Variants in KIAA1958 observed in about 807,000 individuals in gnomAD.
The protein encoded by KIAA1958 is uncharacterized protein KIAA1958.
In KIAA1958, 14 loss-of-function variants were observed where a neutral mutation model predicts 47.2. That is an observed-to-expected ratio of 0.30 (90% CI 0.20 to 0.46). KIAA1958 has a LOEUF of 0.46. KIAA1958 is among the 20% of genes least tolerant of loss of function. The pLI is 1.00. For missense variants in KIAA1958, 803 were observed against 909.2 expected (o/e 0.88, Z 1.50); for synonymous variants, 354 against 353.3 (o/e 1.00, Z -0.02).
At chr9:112,570,980 T>C (rs1013594024) in intron 1 of KIAA1958, among the ~76,000 whole-genome samples, 1 of 152,190 alleles carries the variant, frequency 6.6e-6, no homozygotes, top group Non-Finnish European at 1.5e-5. Flanking sequence ...CCAGTTCTGA[T>C]GTCCAAGGCA....
intron 2 of KIAA1958, among the ~76,000 whole-genome samples, chr9:112,636,118 A>G (rs999147092): frequency 2.0e-5 from 3 of 148,210 alleles, no homozygotes; most frequent in Non-Finnish European, 3.0e-5. Context: ...ATATATATAT[A>G]TACTATACAT....
chr9:112,645,524 T>G, intron 2 of KIAA1958, 126 bp from the exon 3 acceptor site: 2 of 632,958 alleles, frequency 3.2e-6, no homozygotes, highest in East Asian at 5.6e-5. Context: ...ACATATACTT[T>G]AATAGACATT....
At position 112,501,190 on chromosome 9, in the gene KIAA1958, A is replaced by G. The variant is rs142475576; in HGVS notation, c.-25+14072A>G. Among the ~76,000 whole-genome samples the G allele has an allele frequency of 3.8e-3, 572 of 151,744 alleles. 4 individuals carry two copies. The highest frequency in any genetic ancestry group is 0.013 in the African/African-American group (538 of 41,338). On this transcript the variant is annotated intron_variant, in intron 1 of 3. Transcript: ENST00000337530. ...ATAATGAGATTAAAAAGGAAGGAGC[A>G]CACTTTGGGAGGCTGAGGTGAGAGG...
intron 1 of KIAA1958, among the ~76,000 whole-genome samples, chr9:112,517,477 A>G (rs1834458109): frequency 6.6e-6 from 1 of 152,244 alleles, no homozygotes; most frequent in East Asian, 1.9e-4. Context: ...ATAAAACCTA[A>G]TATTGTAAAA....
chr9:112,658,553 A>G (rs1053749825), intron 3 of KIAA1958, among the ~76,000 whole-genome samples: 1 of 152,196 alleles, frequency 6.6e-6, no homozygotes, highest in Non-Finnish European at 1.5e-5. Context: ...ACATGTATAT[A>G]TGTGTATGGG....
chr9:112,602,171 A>T (rs1302244493), intron 2 of KIAA1958, among the ~76,000 whole-genome samples: 2 of 152,238 alleles, frequency 1.3e-5, no homozygotes, highest in Admixed American at 6.5e-5. Flanking sequence ...TATGGTAGTT[A>T]TAAGGTTGTT....
intron 2 of KIAA1958, among the ~76,000 whole-genome samples, chr9:112,578,474 C>T (rs116036128): frequency 1.7e-3 from 260 of 152,154 alleles, no homozygotes; most frequent in African/African-American, 5.9e-3. Flanking sequence ...AGAAATACTG[C>T]GTATCTTTAG....
intron 1 of KIAA1958, among the ~76,000 whole-genome samples, chr9:112,552,304 A>G (rs1187614535): frequency 6.6e-6 from 1 of 152,240 alleles, no homozygotes; most frequent in African/African-American, 2.4e-5. Flanking sequence ...TTAAACTCTC[A>G]AAGTTGGGTG....
chr9:112,540,721 G>GT lies in KIAA1958; in HGVS notation c.-24-33325dup, dbSNP rs1033459081. On this transcript the variant is annotated intron_variant, in intron 1 of 3. Transcript: ENST00000337530. ...TGGAATTTCTTTTTCTTTCCTTTTT[G>GT]TTTTTTTTTTTGAGACGGGGTGTCA... 5.1e-3 allele frequency among the ~76,000 whole-genome samples: 728 copies of GT among 142,254 alleles called. 4 individuals carry two copies. The highest frequency in any genetic ancestry group is 0.014 in the African/African-American group (530 of 39,010). 93.3% of individuals were successfully genotyped at this position (142,254 alleles called of 152,430 possible).
At chr9:112,611,942 A>C (rs551793297) in intron 2 of KIAA1958, among the ~76,000 whole-genome samples, 1 of 152,228 alleles carries the variant, frequency 6.6e-6, no homozygotes, top group Non-Finnish European at 1.5e-5. Context: ...ACATTTAGGA[A>C]TTTAGCATAT....
intron 1 of KIAA1958, among the ~76,000 whole-genome samples, chr9:112,550,558 T>C (rs1835123460): frequency 6.6e-6 from 1 of 152,150 alleles, no homozygotes; most frequent in African/African-American, 2.4e-5. Context: ...CTCACAGTTA[T>C]TGTTACTACA....
chr9:112,577,203 G>A (rs1304323305), intron 2 of KIAA1958, among the ~76,000 whole-genome samples: 1 of 151,686 alleles, frequency 6.6e-6, no homozygotes, highest in Admixed American at 6.6e-5. Context: ...CCTTCTTATT[G>A]GTGAGTTTTT....
intron 2 of KIAA1958, among the ~76,000 whole-genome samples, chr9:112,613,676 G>A (rs1345576472): frequency 6.6e-6 from 1 of 152,024 alleles, no homozygotes; most frequent in African/African-American, 2.4e-5. Flanking sequence ...ATATTTGAAC[G>A]GGCACTTCAT....
intron 1 of KIAA1958, among the ~76,000 whole-genome samples, chr9:112,487,853 A>G (rs1222700493): frequency 8.1e-5 from 2 of 24,662 alleles, no homozygotes; most frequent in African/African-American, 2.3e-4. Flanking sequence ...TGGTTCCTTC[A>G]AGTCTTTTTT....
chr9:112,561,038 C>CA lies in KIAA1958; in HGVS notation c.-24-13018dup, dbSNP rs995295816. 6.5e-4 allele frequency among the ~76,000 whole-genome samples: 99 copies of CA among 151,562 alleles called. 3 individuals are homozygous for CA. Among genetic ancestry groups the CA allele is most frequent in the Non-Finnish European group, 2.9e-5 (2 of 67,934 alleles). ...TATGGTTTTATGCTCTCTTAGCACT[C>CA]AGTGTATTGTCTTTGCAATTTTTTT... On this transcript the variant is annotated intron_variant, in intron 1 of 3. Coordinates refer to ENST00000337530, the MANE Select transcript of KIAA1958 (RefSeq NM_133465.4).
intron 1 of KIAA1958, among the ~76,000 whole-genome samples, chr9:112,533,996 A>G: frequency 6.6e-6 from 1 of 152,206 alleles, no homozygotes; most frequent in Admixed American, 6.5e-5. Context: ...ACAGTAGAAC[A>G]TAGCTGCTAA....
At chr9:112,522,188 C>G (rs1452121063) in intron 1 of KIAA1958, among the ~76,000 whole-genome samples, 1 of 152,110 alleles carries the variant, frequency 6.6e-6, no homozygotes. Flanking sequence ...TCAGGCTGGT[C>G]TCGAACTCCC....
At chr9:112,503,576 C>A in intron 1 of KIAA1958, among the ~76,000 whole-genome samples, 1 of 139,642 alleles carries the variant, frequency 7.2e-6, no homozygotes, top group Non-Finnish European at 1.5e-5. Context: ...GTGTTCATAC[C>A]ACTGTACTCC....
At chr9:112,589,244 T>A (rs1218520410) in intron 2 of KIAA1958, among the ~76,000 whole-genome samples, 2 of 152,240 alleles carry the variant, frequency 1.3e-5, no homozygotes, top group African/African-American at 4.8e-5. Flanking sequence ...TTTTCCCTCA[T>A]TTTTCTGATT....
Sources: gnomAD v4.1 joint callset for allele counts (sites outside exome capture counted in the v4.1 genomes callset) on GRCh38, gnomAD v4.1.1 for gene constraint, MANE v1.5 for transcripts, NCBI Gene and HGNC (gene_info 2026-07-23, HGNC 2026-07-21) for gene names.